The following PHACTR1 variants were observed in gnomAD, a reference collection of about 807,000 sequenced individuals.
PHACTR1 encodes the protein RPEL repeat containing 1.
In PHACTR1, 16 loss-of-function variants were observed where a neutral mutation model predicts 69.2. The ratio of observed to expected loss-of-function variants is 0.23; its 90% confidence interval spans 0.16 to 0.35. PHACTR1 has a LOEUF of 0.35. Ranked by LOEUF, PHACTR1 falls within the 10% of genes least tolerant of loss-of-function variation. The pLI is 1.00. For missense variants in PHACTR1, 510 were observed against 734.7 expected, an observed-to-expected ratio of 0.69 and a Z score of 3.54; for synonymous variants, 312 against 284.5, an observed-to-expected ratio of 1.10 and a Z score of -0.97.
intron 10 of PHACTR1, among the ~76,000 whole-genome samples, chr6:13,247,729 C>T (rs946949680): frequency 6.6e-6 from 1 of 152,130 alleles, no homozygotes; most frequent in African/African-American, 2.4e-5. Flanking sequence ...AGGCATGCAC[C>T]TATAGCCCCA....
At position 13,076,523 on chromosome 6, in the gene PHACTR1, T is replaced by G. The variant is rs540809165; in HGVS notation, c.415+22994T>G. 3.9e-5 allele frequency among the ~76,000 whole-genome samples: 6 copies of G among 152,266 alleles called. No homozygotes were observed. The South Asian group carries it at 1.2e-3, about 32-fold the overall frequency. On this transcript the variant is annotated intron_variant, in intron 5 of 14. Transcript: ENST00000332995. ...TCATTGGGGTATTCACACCAACATT[T>G]GGTCTTCTGCATGTTTTGCAAGCAT...
chr6:12,922,571 A>G (rs920565736), intron 4 of PHACTR1, among the ~76,000 whole-genome samples: 3 of 152,042 alleles, frequency 2.0e-5, no homozygotes, highest in Non-Finnish European at 4.4e-5. Flanking sequence ...ATCCATAAAC[A>G]TGGAGATGGA....
At chr6:13,156,641 A>C (rs1306187316) in intron 5 of PHACTR1, among the ~76,000 whole-genome samples, 1 of 152,210 alleles carries the variant, frequency 6.6e-6, no homozygotes, top group East Asian at 1.9e-4. Context: ...TGAAGTATCC[A>C]ACTGCATTTC....
intron 4 of PHACTR1, among the ~76,000 whole-genome samples, chr6:12,850,591 A>G (rs1297705275): frequency 6.6e-6 from 1 of 152,218 alleles, no homozygotes; most frequent in Non-Finnish European, 1.5e-5. Context: ...GTAGCAAAGT[A>G]CCAAAATCTG....
intron 4 of PHACTR1, among the ~76,000 whole-genome samples, chr6:12,752,322 A>C (rs547792593): frequency 6.6e-6 from 1 of 152,342 alleles, no homozygotes; most frequent in East Asian, 1.9e-4. Flanking sequence ...ATTGCTGAAC[A>C]GAGAAGCATG....
At chr6:12,843,256 G>A (rs1354529010) in intron 4 of PHACTR1, among the ~76,000 whole-genome samples, 1 of 152,186 alleles carries the variant, frequency 6.6e-6, no homozygotes, top group Non-Finnish European at 1.5e-5. Context: ...TAGCTCCGGA[G>A]GTTTGGACAG....
intron 5 of PHACTR1, among the ~76,000 whole-genome samples, chr6:13,110,038 C>A (rs1816795087): frequency 6.6e-6 from 1 of 151,664 alleles, no homozygotes; most frequent in African/African-American, 2.4e-5. Context: ...CTCTCAGTTT[C>A]TCTTATGTTC....
intron 10 of PHACTR1, among the ~76,000 whole-genome samples, chr6:13,255,907 G>A (rs945613355): frequency 6.6e-6 from 1 of 152,226 alleles, no homozygotes; most frequent in Non-Finnish European, 1.5e-5. Flanking sequence ...AGAGGACAGT[G>A]GCCCTCTTCT....
In PHACTR1 at chr6:12,766,947, A is replaced by G. The variant is rs1046626180; in HGVS notation, c.250+17157A>G. Among the ~76,000 whole-genome samples the G allele has an allele frequency of 7.9e-5, 12 of 152,314 alleles. No homozygotes were observed. In the East Asian group the frequency reaches 2.3e-3, roughly 29 times the overall value. On this transcript the variant is annotated intron_variant, in intron 4 of 14. Transcript: ENST00000332995. Reference sequence around the variant, plus strand: ...AAGGTGAAAGACTGTAAGCATGTCTATTGAAAATAGGCTTCCATCTTTAGA... The same window carrying G: ...AAGGTGAAAGACTGTAAGCATGTCTGTTGAAAATAGGCTTCCATCTTTAGA...
chr6:13,003,089 C>T (rs1798284665), intron 4 of PHACTR1, among the ~76,000 whole-genome samples: 1 of 152,116 alleles, frequency 6.6e-6, no homozygotes, highest in Non-Finnish European at 1.5e-5. Context: ...GAGTTCAGGT[C>T]TCCCTGATAT....
At chr6:13,116,172 G>A (rs1298436765) in intron 5 of PHACTR1, among the ~76,000 whole-genome samples, 1 of 152,148 alleles carries the variant, frequency 6.6e-6, no homozygotes, top group African/African-American at 2.4e-5. Flanking sequence ...ACACTATTGA[G>A]GAGGCTACCA....
chr6:13,204,062 A>G (rs985514454), intron 7 of PHACTR1, among the ~76,000 whole-genome samples: 1 of 152,160 alleles, frequency 6.6e-6, no homozygotes, highest in Non-Finnish European at 1.5e-5. Context: ...ATTCTGCTCC[A>G]GCTTTTCAGG....
Position 13,182,587 on chromosome 6 carries a change from C to A in PHACTR1, c.565C>A (p.Leu189Met). ...TGGGCAGTCCCTGAGCTCCAGCCAG[C>A]TGTCTCTGCCTGCCCTGTCCGAAAT... is the stretch of plus-strand genomic sequence containing the variant. ...ENGQSLSSSQ[L>M]SLPALSEMEP... Residue 189 changes from leucine (L) to methionine (M), a missense_variant, in exon 7 of 15, where the codon CTG (leucine) becomes ATG (methionine). Physicochemically the swap from Leu to Met is conservative, Grantham distance 15. This residue lies in a region of PHACTR1 where 419 missense variants were observed against 530.9 expected (regional missense o/e 0.79). Transcript: ENST00000332995. The A allele has an allele frequency of 6.2e-7, 1 of 1,613,724 alleles. No individual in the cohort carries two copies. Among genetic ancestry groups the A allele is most frequent in the Non-Finnish European group, 8.5e-7 (1 of 1,179,692 alleles).
intron 4 of PHACTR1, among the ~76,000 whole-genome samples, chr6:12,992,625 G>T (rs1392419635): frequency 6.6e-6 from 1 of 152,172 alleles, no homozygotes; most frequent in Non-Finnish European, 1.5e-5. Flanking sequence ...ACCAAATATT[G>T]AAGCGGTGCT....
intron 4 of PHACTR1, among the ~76,000 whole-genome samples, chr6:13,014,786 G>A (rs919457496): frequency 1.3e-5 from 2 of 152,244 alleles, no homozygotes; most frequent in South Asian, 4.1e-4. Context: ...GTGCGAGCCA[G>A]AGCTCCCGCA....
intron 4 of PHACTR1, among the ~76,000 whole-genome samples, chr6:12,980,919 G>T (rs912013354): frequency 1.3e-5 from 2 of 152,138 alleles, no homozygotes; most frequent in African/African-American, 4.8e-5. Flanking sequence ...TCATAGCTCC[G>T]CCTACTCTTC....
intron 4 of PHACTR1, among the ~76,000 whole-genome samples, chr6:12,842,594 T>G (rs1027212349): frequency 6.6e-6 from 1 of 152,202 alleles, no homozygotes; most frequent in Non-Finnish European, 1.5e-5. Context: ...CAGGCTGGAG[T>G]GCAGTGGTGT....
intron 5 of PHACTR1, among the ~76,000 whole-genome samples, chr6:13,100,157 G>A (rs76802501): frequency 0.013 from 1,992 of 152,204 alleles, 43 homozygotes; most frequent in African/African-American, 0.045. Flanking sequence ...AGATTCACAA[G>A]CAAAAGAACA....
chr6:12,797,381 C>G (rs560210668), intron 4 of PHACTR1, among the ~76,000 whole-genome samples: 1 of 152,296 alleles, frequency 6.6e-6, no homozygotes, highest in South Asian at 2.1e-4. Context: ...GTCATCAGTA[C>G]ATTTGTCACT....
Sources: allele counts gnomAD v4.1 joint callset (sites outside exome capture counted in the v4.1 genomes callset), GRCh38; gene constraint gnomAD v4.1.1; regional missense constraint gnomAD v4.1.1; transcripts MANE v1.5; gene names NCBI Gene and HGNC (gene_info 2026-07-23, HGNC 2026-07-21).